The following FAM163B variants were observed in gnomAD, a reference collection of about 807,000 sequenced individuals.
FAM163B encodes protein FAM163B.
A neutral mutation model predicts 7.6 loss-of-function variants in FAM163B; 4 were observed. The observed-to-expected ratio is 0.52, with a 90% CI of 0.26 to 1.20. FAM163B has a LOEUF of 1.20. Among genes scored for constraint, FAM163B ranks in the 50% most tolerant of loss-of-function variants. The pLI is 0.14. For synonymous variants in FAM163B, 120 were observed against 111.6 expected (o/e 1.07, Z -0.47); for missense variants, 250 against 243.0 (o/e 1.03, Z -0.19).
chr9:133,588,641 GCAGGT>G (rs1588325969), intron 1 of FAM163B, among the ~76,000 whole-genome samples: 10 of 151,086 alleles, frequency 6.6e-5, no homozygotes, highest in East Asian at 1.9e-4. Context: ...GAGGGATCTA[GCAGGT>G]TGAAGGATCT....
At chr9:133,605,892 C>G (rs1831783436) in intron 1 of FAM163B, among the ~76,000 whole-genome samples, 1 of 152,206 alleles carries the variant, frequency 6.6e-6, no homozygotes, top group Admixed American at 6.5e-5. Flanking sequence ...TCCATCATTT[C>G]CCTTCCTCCC....
At chr9:133,594,316 C>T (rs1831599875) in intron 1 of FAM163B, among the ~76,000 whole-genome samples, 1 of 152,188 alleles carries the variant, frequency 6.6e-6, no homozygotes, top group Admixed American at 6.5e-5. Flanking sequence ...TTTCTGGCCT[C>T]ACCTGCACTG....
chr9:133,584,188 A>T (rs1295624214), intron 1 of FAM163B, among the ~76,000 whole-genome samples: 1 of 152,036 alleles, frequency 6.6e-6, no homozygotes, highest in Non-Finnish European at 1.5e-5. Flanking sequence ...CCACCCCTTC[A>T]TTTAATGGGG....
At chr9:133,587,664 C>A (rs796286716) in intron 1 of FAM163B, among the ~76,000 whole-genome samples, 16 of 152,122 alleles carry the variant, frequency 1.1e-4, no homozygotes, top group African/African-American at 3.9e-4. Flanking sequence ...GAGAGGGGAC[C>A]CCGGCTGAGG....
intron 2 of FAM163B, 88 bp from the exon 3 acceptor site, chr9:133,579,517 G>A: frequency 6.8e-7 from 1 of 1,463,470 alleles, no homozygotes; most frequent in Non-Finnish European, 9.1e-7. Context: ...CTGGGGAGGG[G>A]AGATAGGCAC....
intron 1 of FAM163B, among the ~76,000 whole-genome samples, chr9:133,596,144 G>T (rs1432697945): frequency 2.0e-5 from 3 of 152,086 alleles, no homozygotes; most frequent in Non-Finnish European, 4.4e-5. Context: ...AGAAGGGGAT[G>T]GGGGGATGAG....
At chr9:133,585,152 G>GC (rs1299648843) in intron 1 of FAM163B, among the ~76,000 whole-genome samples, 3 of 152,220 alleles carry the variant, frequency 2.0e-5, no homozygotes, top group Admixed American at 6.5e-5. Context: ...CCGGCAGGGA[G>GC]AGCCAGCTGC....
Position 133,606,356 on chromosome 9 carries a change from C to A in FAM163B, c.-24+2721G>T, listed in dbSNP as rs2131266168. On this transcript the variant is annotated intron_variant, in intron 1 of 2. Transcript: ENST00000673969. This position sits in a 1 kb window ranked among gnomAD's most constrained non-coding sequence, Gnocchi z 4.0. ...GCTGGCAAACACTGAGGCCTCGGAA[C>A]TCATCAAATCCCCTCTGGAGCAGAT... Among the ~76,000 whole-genome samples the A allele has an allele frequency of 6.6e-6, 1 of 152,328 alleles. No individual in the cohort carries two copies. Among genetic ancestry groups the A allele is most frequent in the African/African-American group, 2.4e-5 (1 of 41,582 alleles).
intron 1 of FAM163B, among the ~76,000 whole-genome samples, chr9:133,581,336 C>T (rs1386379595): frequency 2.6e-5 from 4 of 152,156 alleles, no homozygotes; most frequent in Admixed American, 6.5e-5. Flanking sequence ...TGGGAGCTGG[C>T]GCCACTTCCC....
intron 1 of FAM163B, among the ~76,000 whole-genome samples, chr9:133,598,705 T>C (rs1442395642): frequency 1.3e-5 from 2 of 152,180 alleles, no homozygotes; most frequent in African/African-American, 2.4e-5. Flanking sequence ...CACTGTAGTT[T>C]TGGCTGAGTT....
intron 1 of FAM163B, among the ~76,000 whole-genome samples, chr9:133,596,206 G>C (rs1447915676): frequency 6.6e-6 from 1 of 150,546 alleles, no homozygotes; most frequent in African/African-American, 2.5e-5. Flanking sequence ...GAGCAGGGAG[G>C]AGTCCTGGGA....
At chr9:133,593,084 C>G (rs1044765698) in intron 1 of FAM163B, among the ~76,000 whole-genome samples, 8 of 152,222 alleles carry the variant, frequency 5.3e-5, no homozygotes, top group African/African-American at 1.9e-4. Context: ...CAGCAGGAAG[C>G]AGAGCCGCCC....
At position 133,579,125 on chromosome 9, in the gene FAM163B, A is replaced by C; in HGVS notation, c.398T>G (p.Leu133Arg). ...CAGGCCCCCGAAGCCCCCCGGGGGC[A>C]GCTCCACGTCCTCCTGGCTCACGCT... is the stretch of plus-strand genomic sequence containing the variant. The part of the protein sequence containing the change: ...YKSVSQEDVE[L>R]PPGGFGGLQA... The change falls in exon 3 of 3, where the codon CTG becomes CGG. Residue 133 changes from leucine (L) to arginine (R), a missense_variant. Physicochemically the swap from Leu to Arg is moderately radical, Grantham distance 102. Transcript: ENST00000673969. 1 of 1,608,458 alleles carries C rather than the reference A, an allele frequency of 6.2e-7. No individual in the cohort carries two copies. The highest frequency in any genetic ancestry group is 8.5e-7 in the Non-Finnish European group (1 of 1,179,610).
intron 1 of FAM163B, among the ~76,000 whole-genome samples, chr9:133,583,954 C>T (rs1831394512): frequency 6.6e-6 from 1 of 152,178 alleles, no homozygotes; most frequent in Non-Finnish European, 1.5e-5. Flanking sequence ...GACCACAGTT[C>T]ACTCCGAGCA....
rs1488830625 is a variant in FAM163B, at chr9:133,577,621, G to A, written c.*1401C>T. Among the ~76,000 whole-genome samples the A allele has an allele frequency of 6.6e-6, 1 of 152,248 alleles. No individual in the cohort carries two copies. Among genetic ancestry groups the A allele is most frequent in the African/African-American group, 2.4e-5 (1 of 41,474 alleles). ...TTGAGGGCGGTGCCTTCCCTGGGCA[G>A]AGAGGGGCTGCCCCGGCCCTGGGGC... On this transcript the variant is annotated 3_prime_UTR_variant, in exon 3 of 3. Transcript: ENST00000673969.
chr9:133,584,854 T>G (rs560831013), intron 1 of FAM163B, among the ~76,000 whole-genome samples: 1 of 152,238 alleles, frequency 6.6e-6, no homozygotes, highest in African/African-American at 2.4e-5. Context: ...TGCCGCCTGC[T>G]TGTGACTCGA....
chr9:133,599,130 C>T (rs1179647984), intron 1 of FAM163B, among the ~76,000 whole-genome samples: 1 of 152,214 alleles, frequency 6.6e-6, no homozygotes, highest in Admixed American at 6.5e-5. Flanking sequence ...CCTGTCCTGC[C>T]TCTGGGCTCC....
chr9:133,602,161 C>T (rs1272480418), intron 1 of FAM163B, among the ~76,000 whole-genome samples: 2 of 151,052 alleles, frequency 1.3e-5, no homozygotes, highest in African/African-American at 2.4e-5. Flanking sequence ...ATGCCCAAGA[C>T]CCGCCATATA....
At chr9:133,604,276 T>C (rs1471645588) in intron 1 of FAM163B, among the ~76,000 whole-genome samples, 1 of 152,218 alleles carries the variant, frequency 6.6e-6, no homozygotes, top group Non-Finnish European at 1.5e-5. Context: ...CATGACTGTT[T>C]ACTGATATGG....
Sources: gnomAD v4.1 joint callset for allele counts (sites outside exome capture counted in the v4.1 genomes callset) on GRCh38, gnomAD v4.1.1 for gene constraint, Gnocchi (gnomAD v3.1) non-coding constraint, MANE v1.5 for transcripts, NCBI Gene and HGNC (gene_info 2026-07-23, HGNC 2026-07-21) for gene names.